LRRFIP1: variants seen among roughly 807,000 people sequenced by gnomAD.
LRRFIP1 encodes LRR binding FLII interacting protein 1.
A neutral mutation model predicts 104.4 loss-of-function variants in LRRFIP1; 62 were observed. That is an observed-to-expected ratio of 0.59 (90% CI 0.48 to 0.73). The LOEUF (loss-of-function observed/expected upper bound fraction) is 0.73. LRRFIP1 is among the 30% of genes least tolerant of loss of function. The pLI, the probability that LRRFIP1 is intolerant of heterozygous loss-of-function variation, is 0.00. For missense variants in LRRFIP1, 796 were observed against 824.5 expected (o/e 0.97, Z 0.42); for synonymous variants, 300 against 299.0 (o/e 1.00, Z -0.03).
intron 15 of LRRFIP1, among the ~76,000 whole-genome samples, chr2:237,755,310 G>A (rs546971372): frequency 6.6e-6 from 1 of 152,328 alleles, no homozygotes; most frequent in Admixed American, 6.5e-5. Flanking sequence ...TTAAGGGGCA[G>A]CCCTGAAGCA....
Position 237,760,193 on chromosome 2 carries a change from G to A in LRRFIP1, c.1447G>A (p.Asp483Asn), listed in dbSNP as rs752354871. Residue 483 changes from aspartate to asparagine, a missense_variant, in exon 19 of 24, where the codon GAT becomes AAT. Asp to Asn is a conservative substitution (Grantham distance 23, BLOSUM62 1). Coordinates refer to ENST00000308482, the MANE Select transcript of LRRFIP1 (RefSeq NM_001137550.2). The stretch of plus-strand genomic sequence containing the variant: ...GTTAAATGCCCTCAAGTCGACAGGG[G>A]ATGGGACCCTAGGTAAGTATTTGCT... ...EELNALKSTG[D>N]GTLDIRLKKL... 1 of 1,614,088 alleles carries A rather than the reference G, an allele frequency of 6.2e-7. No individual in the cohort carries two copies. The highest frequency in any genetic ancestry group is 1.7e-5 in the Admixed American group (1 of 60,008).
intron 1 of LRRFIP1, among the ~76,000 whole-genome samples, chr2:237,631,780 A>G (rs902533804): frequency 2.6e-5 from 4 of 152,218 alleles, no homozygotes; most frequent in African/African-American, 7.2e-5. Context: ...GTTTTTCCCA[A>G]CAGGAACAGT....
At chr2:237,664,239 G>A (rs558288506) in intron 1 of LRRFIP1, among the ~76,000 whole-genome samples, 1 of 152,388 alleles carries the variant, frequency 6.6e-6, no homozygotes, top group East Asian at 1.9e-4. Context: ...GCAGTGGAGA[G>A]GAGGGGGCCC....
At position 237,645,205 on chromosome 2, in the gene LRRFIP1, G is replaced by C. The variant is rs147822512; in HGVS notation, c.96+17465G>C. 9.6e-3 allele frequency among the ~76,000 whole-genome samples: 1,464 copies of C among 152,306 alleles called. 37 individuals are homozygous for C. The highest frequency in any genetic ancestry group is 0.033 in the African/African-American group (1,368 of 41,556). ...TACTCAGAGGCTATGCAGATATCCT[G>C]TGTCACCCTGACGTATTCATCCATG... is the stretch of plus-strand genomic sequence containing the variant. On this transcript the variant is annotated intron_variant, in intron 1 of 23. Coordinates refer to ENST00000308482, the MANE Select transcript of LRRFIP1 (RefSeq NM_001137550.2).
intron 19 of LRRFIP1, chr2:237,765,763 A>C (rs2060218448): frequency 1.0e-6 from 1 of 958,382 alleles, no homozygotes; most frequent in African/African-American, 1.8e-5. Flanking sequence ...AAAGGAATGT[A>C]CCTTATGAAT....
At chr2:237,732,150 G>A (rs2095039145) in intron 8 of LRRFIP1, among the ~76,000 whole-genome samples, 1 of 152,088 alleles carries the variant, frequency 6.6e-6, no homozygotes, top group Non-Finnish European at 1.5e-5. Flanking sequence ...TCAGTTGCCT[G>A]GCCCAGCCGT....
At chr2:237,648,615 C>A (rs6737610) in intron 1 of LRRFIP1, among the ~76,000 whole-genome samples, 1 of 151,490 alleles carries the variant, frequency 6.6e-6, no homozygotes, top group Non-Finnish European at 1.5e-5. Flanking sequence ...GTATTTGTTC[C>A]GTGAACTTGG....
intron 2 of LRRFIP1, among the ~76,000 whole-genome samples, chr2:237,710,347 G>A (rs1339121676): frequency 6.6e-6 from 1 of 151,462 alleles, no homozygotes; most frequent in Non-Finnish European, 1.5e-5. Flanking sequence ...GCAGTGGCAT[G>A]ATCTTGGCTC....
At chr2:237,757,793 G>A (rs912906336) in intron 17 of LRRFIP1, among the ~76,000 whole-genome samples, 7 of 152,072 alleles carry the variant, frequency 4.6e-5, no homozygotes, top group Non-Finnish European at 8.8e-5. Flanking sequence ...GTAGCTGTGC[G>A]CTCTGCCTGC....
At chr2:237,675,704 A>T (rs1172363269) in intron 1 of LRRFIP1, among the ~76,000 whole-genome samples, 1 of 152,262 alleles carries the variant, frequency 6.6e-6, no homozygotes, top group South Asian at 2.1e-4. Flanking sequence ...AAAAAAGAAC[A>T]CTGGAAAAGA....
At chr2:237,629,853 C>A (rs996130700) in intron 1 of LRRFIP1, among the ~76,000 whole-genome samples, 1 of 152,122 alleles carries the variant, frequency 6.6e-6, no homozygotes, top group Non-Finnish European at 1.5e-5. Context: ...GTCCTCCCTC[C>A]CACCGAGGGA....
At chr2:237,631,402 C>T (rs2082321632) in intron 1 of LRRFIP1, among the ~76,000 whole-genome samples, 1 of 152,216 alleles carries the variant, frequency 6.6e-6, no homozygotes, top group Admixed American at 6.5e-5. Flanking sequence ...AGCCGGTGTC[C>T]TGCTTCCATG....
chr2:237,764,239 G>A lies in LRRFIP1; in HGVS notation c.1459+4034G>A. The A allele has an allele frequency of 1.9e-6, 3 of 1,609,732 alleles. No individual in the cohort carries two copies. In the South Asian group the frequency reaches 3.3e-5, roughly 18 times the overall value. On this transcript the variant is annotated intron_variant, in intron 19 of 23. Transcript: ENST00000308482. ...AAGTAGAATGTTCTAAATTCATAGAGAGGCACTGTATGACAATTACCAGGT... is the reference window on the plus strand; with the variant it reads ...AAGTAGAATGTTCTAAATTCATAGAAAGGCACTGTATGACAATTACCAGGT...
At chr2:237,708,513 G>A (rs747590722) in intron 1 of LRRFIP1, 31 bp from the exon 2 acceptor site, 1 of 1,526,202 alleles carries the variant, frequency 6.6e-7, no homozygotes, top group Non-Finnish European at 8.8e-7. Context: ...CCGCTGCTCT[G>A]TCCTCTAATA....
chr2:237,648,258 G>A (rs1360121312), intron 1 of LRRFIP1, among the ~76,000 whole-genome samples: 1 of 151,938 alleles, frequency 6.6e-6, no homozygotes, highest in South Asian at 2.1e-4. Flanking sequence ...TAAGGACGCA[G>A]GAGTCTAGAA....
At chr2:237,744,168 T>C (rs2057493988) in intron 11 of LRRFIP1, among the ~76,000 whole-genome samples, 1 of 152,194 alleles carries the variant, frequency 6.6e-6, no homozygotes, top group South Asian at 2.1e-4. Flanking sequence ...TATTATTGGA[T>C]TTAAAACCAA....
chr2:237,757,442 GT>G lies in LRRFIP1; in HGVS notation c.1132-12del. The G allele has an allele frequency of 6.4e-7, 1 of 1,554,252 alleles. No individual in the cohort carries two copies. The highest frequency in any genetic ancestry group is 8.7e-7 in the Non-Finnish European group (1 of 1,142,908). ...TTAACCCTTTATCTGCTTTCTGTCTGTTCCTTTCCTCAGGAAATCCGACAGC... is the reference window on the plus strand; with the variant it reads ...TTAACCCTTTATCTGCTTTCTGTCTGTCCTTTCCTCAGGAAATCCGACAGC... On this transcript the variant is annotated splice_polypyrimidine_tract_variant and intron_variant, in intron 16 of 23. Coordinates refer to ENST00000308482, the MANE Select transcript of LRRFIP1 (RefSeq NM_001137550.2).
At position 237,737,878 on chromosome 2, in the gene LRRFIP1, A is replaced by G. The variant is rs2095300724; in HGVS notation, c.556-1354A>G. Among the ~76,000 whole-genome samples, 3 of 152,244 alleles carry G rather than the reference A, an allele frequency of 2.0e-5. No homozygotes were observed. In the South Asian group the frequency reaches 6.2e-4, roughly 31 times the overall value. Reference sequence around the variant, plus strand: ...GCCCCTGAGTGTAAGTGTATAGTAAACATTTATCAAATAAAATAGAGGTGG... The same window carrying G: ...GCCCCTGAGTGTAAGTGTATAGTAAGCATTTATCAAATAAAATAGAGGTGG... On this transcript the variant is annotated intron_variant, in intron 10 of 23. Coordinates refer to ENST00000308482, the MANE Select transcript of LRRFIP1 (RefSeq NM_001137550.2).
rs1291014968 is a variant in LRRFIP1 at position 237,781,365 on chromosome 2, C to T, written c.*1833C>T. Among the ~76,000 whole-genome samples, 2 of 152,216 alleles carry T rather than the reference C, an allele frequency of 1.3e-5. No individual in the cohort carries two copies. The highest frequency in any genetic ancestry group is 4.8e-5 in the African/African-American group (2 of 41,458). ...AGATGCTGTTATCAAATCCACATTA[C>T]AGATGAGGGACCCAGGGTCCAGGAA... is the stretch of plus-strand genomic sequence containing the variant. On this transcript the variant is annotated 3_prime_UTR_variant, in exon 24 of 24. Coordinates refer to ENST00000308482, the MANE Select transcript of LRRFIP1 (RefSeq NM_001137550.2).
Sources: gnomAD v4.1 joint callset for allele counts (sites outside exome capture counted in the v4.1 genomes callset) on GRCh38, gnomAD v4.1.1 for gene constraint, MANE v1.5 for transcripts, NCBI Gene and HGNC (gene_info 2026-07-23, HGNC 2026-07-21) for gene names.